LRMDA: variants seen among roughly 807,000 people sequenced by gnomAD.
LRMDA encodes leucine rich melanocyte differentiation associated, also known as leucine-rich melanocyte differentiation-associated protein.
Under a neutral mutation model 29.8 loss-of-function variants are expected in LRMDA, and 18 were observed. The observed-to-expected ratio is 0.60, with a 90% CI of 0.42 to 0.90. The LOEUF (loss-of-function observed/expected upper bound fraction) is 0.90. Among genes scored for constraint, LRMDA ranks in the 40% least tolerant of loss-of-function variants. LRMDA has a pLI of 0.00. For synonymous variants in LRMDA, 125 were observed against 109.4 expected (o/e 1.14, Z -0.89); for missense variants, 273 against 273.9 (o/e 1.00, Z 0.02).
chr10:76,313,809 T>G (rs996514129), intron 5 of LRMDA, among the ~76,000 whole-genome samples: 10 of 151,874 alleles, frequency 6.6e-5, no homozygotes, highest in African/African-American at 2.4e-4. Flanking sequence ...TTCCATACAA[T>G]CACTTAATTG....
intron 2 of LRMDA, among the ~76,000 whole-genome samples, chr10:75,887,038 G>A (rs1845402994): frequency 1.3e-5 from 2 of 152,006 alleles, no homozygotes; most frequent in African/African-American, 4.8e-5. Context: ...GACAGATTTT[G>A]CTTGCCAAAT....
chr10:75,462,436 G>A (rs909672015), intron 2 of LRMDA, among the ~76,000 whole-genome samples: 2 of 152,136 alleles, frequency 1.3e-5, no homozygotes, highest in East Asian at 1.9e-4. Context: ...TGTCTTTGTC[G>A]GAATGAGAAA....
intron 5 of LRMDA, among the ~76,000 whole-genome samples, chr10:76,176,124 G>A (rs1850929325): frequency 6.6e-6 from 1 of 152,144 alleles, no homozygotes; most frequent in Admixed American, 6.5e-5. Context: ...CATATCCTGT[G>A]GACAGATGAT....
chr10:76,127,851 A>G (rs1302273785), intron 5 of LRMDA, among the ~76,000 whole-genome samples: 1 of 152,232 alleles, frequency 6.6e-6, no homozygotes, highest in African/African-American at 2.4e-5. Context: ...CAACAGATCC[A>G]TATGCAAAAG....
intron 2 of LRMDA, among the ~76,000 whole-genome samples, chr10:75,589,547 G>C (rs1305643576): frequency 6.6e-6 from 1 of 152,036 alleles, no homozygotes; most frequent in Non-Finnish European, 1.5e-5. Context: ...AAGCTCAGGA[G>C]TTCAAGACTA....
At chr10:75,956,901 G>A (rs74149834) in intron 2 of LRMDA, among the ~76,000 whole-genome samples, 2,674 of 152,290 alleles carry the variant, frequency 0.018, 62 homozygotes, top group East Asian at 0.064. Flanking sequence ...CTGGGCTACC[G>A]TGGACTTTTC....
chr10:75,574,144 A>T (rs1408406201), intron 2 of LRMDA, among the ~76,000 whole-genome samples: 1 of 152,176 alleles, frequency 6.6e-6, no homozygotes, highest in Non-Finnish European at 1.5e-5. Context: ...TCAAAGCAGC[A>T]TGTCCTATCC....
rs76646529 is a variant in LRMDA, at chr10:75,967,168, C to T, written c.132-68840C>T. Among the ~76,000 whole-genome samples the T allele has an allele frequency of 4.7e-3, 721 of 152,312 alleles. 19 individuals carry two copies. The highest frequency in any genetic ancestry group is 0.032 in the Admixed American group (485 of 15,302). On this transcript the variant is annotated intron_variant, in intron 2 of 6. Transcript: ENST00000611255. ...TGAGCTCTCCAATCCCTCGTCCCTC[C>T]TTTGTGGCACTTCTAGATTTTCCAG...
chr10:75,785,806 T>C (rs1329758943), intron 2 of LRMDA, among the ~76,000 whole-genome samples: 1 of 152,248 alleles, frequency 6.6e-6, no homozygotes, highest in East Asian at 1.9e-4. Flanking sequence ...CCAGTGCTGC[T>C]TTCTGTGTTA....
chr10:76,175,884 A>C (rs1189513999), intron 5 of LRMDA, among the ~76,000 whole-genome samples: 1 of 152,210 alleles, frequency 6.6e-6, no homozygotes, highest in Non-Finnish European at 1.5e-5. Flanking sequence ...CCATGTGGCC[A>C]TGTCAGCAGG....
chr10:75,863,503 T>C (rs984579396), intron 2 of LRMDA, among the ~76,000 whole-genome samples: 7 of 152,180 alleles, frequency 4.6e-5, no homozygotes, highest in African/African-American at 1.4e-4. Flanking sequence ...CTACCTGGAC[T>C]CAGGTCCTAG....
At chr10:75,560,459 T>A (rs1486430315) in intron 2 of LRMDA, among the ~76,000 whole-genome samples, 3 of 150,848 alleles carry the variant, frequency 2.0e-5, no homozygotes, top group Non-Finnish European at 3.0e-5. Flanking sequence ...TTTCTAGATA[T>A]ACAATCATGT....
intron 6 of LRMDA, among the ~76,000 whole-genome samples, chr10:76,540,264 T>TGAGCAACACAATAAAGATGTAA (rs1843339127): frequency 6.6e-6 from 1 of 152,226 alleles, no homozygotes; most frequent in African/African-American, 2.4e-5. Flanking sequence ...CCCAATTCAT[T>TGAGCAACACAATAAAGATGTAA]CTACATTTTT....
At chr10:76,009,733 C>T (rs936620770) in intron 2 of LRMDA, among the ~76,000 whole-genome samples, 1 of 152,144 alleles carries the variant, frequency 6.6e-6, no homozygotes, top group African/African-American at 2.4e-5. Context: ...TTTTTCTTCT[C>T]CTCCGCAGCC....
rs1480966165 is a variant in LRMDA at position 76,488,759 on chromosome 10, ACCAACACTT to A, written c.602-68449_602-68441del. Among the ~76,000 whole-genome samples the A allele has an allele frequency of 3.3e-5, 5 of 151,902 alleles. No homozygotes were observed. The East Asian group carries it at 9.7e-4, about 30-fold the overall frequency. On this transcript the variant is annotated intron_variant, in intron 6 of 6. Transcript: ENST00000611255. ...AGAGTTGCAGTTGCTCCAAATCCTC[ACCAACACTT>A]GGTATGGTGAGTCTTTTTAATTATC...
chr10:76,387,803 TG>T (rs1841678185), intron 6 of LRMDA, among the ~76,000 whole-genome samples: 3 of 151,906 alleles, frequency 2.0e-5, no homozygotes, highest in Admixed American at 6.6e-5. Context: ...TAATAACAAG[TG>T]GGGAAAAGTA....
intron 5 of LRMDA, among the ~76,000 whole-genome samples, chr10:76,250,680 C>T (rs1024253175): frequency 6.6e-6 from 1 of 152,062 alleles, no homozygotes; most frequent in Non-Finnish European, 1.5e-5. Context: ...TTGGTTTCCC[C>T]CTTAGATAAG....
intron 2 of LRMDA, among the ~76,000 whole-genome samples, chr10:75,696,822 C>T (rs1361687039): frequency 1.3e-5 from 2 of 152,178 alleles, no homozygotes; most frequent in Admixed American, 6.5e-5. Context: ...CCCCAACTTC[C>T]TTGTGTGTAT....
intron 2 of LRMDA, among the ~76,000 whole-genome samples, chr10:75,522,119 C>G (rs1020356818): frequency 6.6e-6 from 1 of 152,170 alleles, no homozygotes; most frequent in Non-Finnish European, 1.5e-5. Context: ...GTACAGCACC[C>G]CTCTTGAAGC....
Sources: gnomAD v4.1 joint callset for allele counts (sites outside exome capture counted in the v4.1 genomes callset) on GRCh38, gnomAD v4.1.1 for gene constraint, MANE v1.5 for transcripts, NCBI Gene and HGNC (gene_info 2026-07-23, HGNC 2026-07-21) for gene names.